The following CNBD2 variants were observed in gnomAD, a reference collection of about 807,000 sequenced individuals.
CNBD2 encodes cyclic nucleotide-binding domain-containing protein 2.
Under a neutral mutation model 63.7 loss-of-function variants are expected in CNBD2, and 64 were observed. That is an observed-to-expected ratio of 1.00 (90% CI 0.82 to 1.24). The LOEUF (loss-of-function observed/expected upper bound fraction) is 1.24. Among genes scored for constraint, CNBD2 ranks in the 50% most tolerant of loss-of-function variants. CNBD2 has a pLI of 0.00. For synonymous variants in CNBD2, 229 were observed against 255.4 expected (o/e 0.90, Z 0.99); for missense variants, 691 against 713.5 (o/e 0.97, Z 0.36).
At chr20:35,983,889 C>T in intron 4 of CNBD2, 93 bp from the exon 5 acceptor site, 1 of 1,468,964 alleles carries the variant, frequency 6.8e-7, no homozygotes, top group Non-Finnish European at 9.5e-7. Context: ...CTCTTATATC[C>T]CAAAGCAAAG....
chr20:36,018,326 A>G (rs950288137), intron 10 of CNBD2, among the ~76,000 whole-genome samples: 2 of 152,180 alleles, frequency 1.3e-5, no homozygotes, highest in Admixed American at 6.5e-5. Context: ...TGGAACAGGG[A>G]GTAAGGCCTT....
In CNBD2 at chr20:36,008,233, T is replaced by TA. The variant is rs575117299; in HGVS notation, c.971-63dup. ...GGTTCCTGTGATAAGCTTCAACTAC[T>TA]ACCACCATAACCATCATATATGCAA... On this transcript the variant is annotated intron_variant, in intron 8 of 11. Coordinates refer to ENST00000373973, the MANE Select transcript of CNBD2 (RefSeq NM_001365709.1). 5 of 1,367,808 alleles carry TA rather than the reference T, an allele frequency of 3.7e-6. No individual in the cohort carries two copies. In the South Asian group the frequency reaches 6.8e-5, roughly 19 times the overall value. The allele number at this position is 1,367,808 out of a possible 1,614,324, so 84.7% of individuals were successfully genotyped here. A position where few individuals can be genotyped will look rare whatever the true frequency, so the allele number is the denominator to read the frequency against.
chr20:35,962,404 G>A lies in CNBD2; in HGVS notation c.228+4630G>A, dbSNP rs1053912403. On this transcript the variant is annotated intron_variant, in intron 2 of 4. Coordinates refer to the CNBD2 transcript ENST00000622112. ...CTCCCGAGTAGCTGGGACTACAGGC[G>A]CCCACCACCACGCCCAGCTAATTTT... Among the ~76,000 whole-genome samples, 87 of 152,024 alleles carry A rather than the reference G, an allele frequency of 5.7e-4. 2 individuals are homozygous for A. The highest frequency in any genetic ancestry group is 1.5e-3 in the African/African-American group (63 of 41,462).
chr20:35,955,251 C>T, exon 1 of CNBD2: 1 of 153,328 alleles, frequency 6.5e-6, no homozygotes. Context: ...TTGTAAAATA[C>T]GGGACTTAGT....
At chr20:35,997,212 C>T (rs998758546) in intron 8 of CNBD2, among the ~76,000 whole-genome samples, 1 of 152,194 alleles carries the variant, frequency 6.6e-6, no homozygotes, top group African/African-American at 2.4e-5. Context: ...TGTCTTATCT[C>T]TTACCTCCTG....
chr20:35,985,496 T>TC (rs2056655567), intron 6 of CNBD2, among the ~76,000 whole-genome samples: 1 of 151,070 alleles, frequency 6.6e-6, no homozygotes, highest in African/African-American at 2.4e-5. Context: ...CCTTTTTTTT[T>TC]TTTTTTTGAG....
intron 3 of CNBD2, among the ~76,000 whole-genome samples, chr20:35,976,357 G>C (rs910754916): frequency 2.0e-5 from 3 of 152,200 alleles, no homozygotes; most frequent in Admixed American, 2.0e-4. Context: ...TGGTGGGAAA[G>C]GGCTGACCTG....
intron 9 of CNBD2, 68 bp downstream of exon 9, chr20:36,008,542 G>A: frequency 1.4e-6 from 2 of 1,457,578 alleles, no homozygotes; most frequent in Non-Finnish European, 1.9e-6. Flanking sequence ...TACTTATATG[G>A]CAGAATGTCA....
chr20:36,024,021 G>A (rs1176826257), intron 11 of CNBD2, among the ~76,000 whole-genome samples: 2 of 152,220 alleles, frequency 1.3e-5, no homozygotes, highest in African/African-American at 4.8e-5. Context: ...GCCGAAATAT[G>A]GAGAAAGCCC....
At chr20:36,010,281 G>A (rs555021539) in intron 9 of CNBD2, among the ~76,000 whole-genome samples, 4 of 152,130 alleles carry the variant, frequency 2.6e-5, no homozygotes, top group Admixed American at 2.0e-4. Flanking sequence ...GCCACTTCAC[G>A]TGAGTCCTTT....
chr20:36,016,419 A>G (rs1449542281), intron 10 of CNBD2, among the ~76,000 whole-genome samples: 1 of 152,196 alleles, frequency 6.6e-6, no homozygotes, highest in Non-Finnish European at 1.5e-5. Context: ...AAGATGTGGG[A>G]AACTGGATGT....
intron 6 of CNBD2, among the ~76,000 whole-genome samples, chr20:35,985,890 A>G (rs1364785733): frequency 6.6e-6 from 1 of 152,238 alleles, no homozygotes; most frequent in Non-Finnish European, 1.5e-5. Context: ...TGTCTTTGTC[A>G]CTACTATAAT....
At chr20:35,954,502 C>A (rs1222518891), upstream of CNBD2, 3 of 1,536,938 alleles carry the variant, frequency 2.0e-6, no homozygotes. Context: ...GGCTTCTCTG[C>A]GTCCAGGTCG....
intron 11 of CNBD2, among the ~76,000 whole-genome samples, chr20:36,024,448 G>A (rs1034873137): frequency 3.3e-5 from 5 of 151,096 alleles, no homozygotes; most frequent in Non-Finnish European, 5.9e-5. Context: ...GGCCAACATG[G>A]TGAAACCCTG....
chr20:35,954,452 A>C (rs554337530), upstream of CNBD2: 7 of 1,549,020 alleles, frequency 4.5e-6, no homozygotes, highest in Admixed American at 1.2e-4. Flanking sequence ...GCTTACCTGC[A>C]CCAGCGAAGC....
chr20:36,027,601 T>A (rs1043287348), intron 11 of CNBD2, among the ~76,000 whole-genome samples: 2 of 152,134 alleles, frequency 1.3e-5, no homozygotes, highest in African/African-American at 2.4e-5. Context: ...ATCTGACAGA[T>A]CTTGTTGCTT....
In CNBD2 at chr20:35,980,581, G is replaced by A; in HGVS notation, c.366G>A (p.Glu122=). The A allele has an allele frequency of 6.2e-7, 1 of 1,613,932 alleles. No homozygotes were observed. The highest frequency in any genetic ancestry group is 8.5e-7 in the Non-Finnish European group (1 of 1,180,038). ...TGGATAGCTATCGGAACTACGCAGAGCCCCTGCAGCTGCTCCTGGCCAAAG... is the reference window on the plus strand; with the variant it reads ...TGGATAGCTATCGGAACTACGCAGAACCCCTGCAGCTGCTCCTGGCCAAAG... ...QVLDSYRNYA[E]PLQLLLAKVM... The change falls in exon 4 of 12, where the codon GAG becomes GAA. Residue 122 remains glutamate (E), a synonymous_variant. Transcript: ENST00000373973.
intron 2 of CNBD2, among the ~76,000 whole-genome samples, chr20:35,962,551 C>T (rs1412558033): frequency 6.6e-6 from 1 of 152,006 alleles, no homozygotes; most frequent in South Asian, 2.1e-4. Context: ...TGAGCCACCG[C>T]GCCCGGCCCC....
intron 4 of CNBD2, among the ~76,000 whole-genome samples, chr20:35,983,385 C>T (rs2056622681): frequency 6.6e-6 from 1 of 152,074 alleles, no homozygotes; most frequent in Non-Finnish European, 1.5e-5. Context: ...AGAAACTTCC[C>T]TCTGAGTTTA....
Sources: gnomAD v4.1 joint callset for allele counts (sites outside exome capture counted in the v4.1 genomes callset) on GRCh38, gnomAD v4.1.1 for gene constraint, MANE v1.5 for transcripts, NCBI Gene and HGNC (gene_info 2026-07-23, HGNC 2026-07-21) for gene names.